The following LRRC7 variants were observed in gnomAD, a reference collection of about 807,000 sequenced individuals.
LRRC7 encodes the protein leucine-rich repeat-containing protein 7.
LRRC7 carries 23 observed loss-of-function variants against 175.7 expected under a neutral mutation model. The observed-to-expected ratio is 0.13, with a 90% CI of 0.09 to 0.19. The LOEUF (loss-of-function observed/expected upper bound fraction) is 0.19. LRRC7 is among the 10% of genes least tolerant of loss of function. LRRC7 has a pLI of 1.00. For synonymous variants in LRRC7, 685 were observed against 680.9 expected (o/e 1.01, Z -0.09); for missense variants, 1,354 against 1,904.7 (o/e 0.71, Z 5.38).
Position 70,057,910 on chromosome 1 carries a change from G to T in LRRC7, c.4230+4765G>T, listed in dbSNP as rs140462995. ...GTGCACCTGAGAGTGGCAAAGTGAT[G>T]GAAAAATGCCAAGAGTGTTAAATGC... On this transcript the variant is annotated intron_variant, in intron 23 of 26. Coordinates refer to ENST00000651989, the MANE Select transcript of LRRC7 (RefSeq NM_001370785.2). Among the ~76,000 whole-genome samples the T allele has an allele frequency of 3.7e-3, 565 of 151,690 alleles. 4 individuals carry two copies. The highest frequency in any genetic ancestry group is 0.013 in the African/African-American group (532 of 41,314).
intron 23 of LRRC7, among the ~76,000 whole-genome samples, chr1:70,054,440 A>G (rs1243342493): frequency 6.6e-6 from 1 of 152,156 alleles, no homozygotes; most frequent in Non-Finnish European, 1.5e-5. Context: ...ACCTATTGTT[A>G]TAAGTAAATG....
intron 5 of LRRC7, among the ~76,000 whole-genome samples, chr1:69,833,998 G>A (rs985603274): frequency 3.3e-5 from 5 of 152,056 alleles, no homozygotes; most frequent in Non-Finnish European, 7.4e-5. Flanking sequence ...GCATTAAAAT[G>A]TTTAAATAGA....
At chr1:69,821,302 G>T (rs61784018) in intron 4 of LRRC7, among the ~76,000 whole-genome samples, 14,961 of 151,940 alleles carry the variant, frequency 0.098, 795 homozygotes, top group African/African-American at 0.14. Flanking sequence ...ACTCTGACTG[G>T]ATAATCTTAA....
intron 26 of LRRC7, among the ~76,000 whole-genome samples, chr1:70,117,773 T>C (rs566482953): frequency 6.6e-6 from 1 of 152,260 alleles, no homozygotes; most frequent in South Asian, 2.1e-4. Flanking sequence ...TTATTTCTCA[T>C]TTTTCATTAG....
intron 9 of LRRC7, 99 bp downstream of exon 9, chr1:69,980,552 A>G: frequency 2.0e-6 from 2 of 984,042 alleles, no homozygotes; most frequent in Non-Finnish European, 3.1e-6. Flanking sequence ...TTTGTGTTTC[A>G]AAGTAAAATA....
intron 7 of LRRC7, among the ~76,000 whole-genome samples, chr1:69,918,222 A>T (rs1002993254): frequency 2.0e-5 from 3 of 152,158 alleles, no homozygotes; most frequent in Non-Finnish European, 4.4e-5. Context: ...CCCCTATGTC[A>T]AAGAATTAAC....
intron 2 of LRRC7, among the ~76,000 whole-genome samples, chr1:69,733,739 T>G (rs1667822096): frequency 6.6e-6 from 1 of 152,154 alleles, no homozygotes; most frequent in South Asian, 2.1e-4. Context: ...ATACTGCACC[T>G]GTTTTTGTGC....
chr1:69,616,947 C>T (rs1279737498), intron 1 of LRRC7, among the ~76,000 whole-genome samples: 4 of 152,108 alleles, frequency 2.6e-5, no homozygotes, highest in Admixed American at 6.6e-5. Context: ...ACTGTCAGAA[C>T]TTGTGCCTAA....
intron 7 of LRRC7, among the ~76,000 whole-genome samples, chr1:69,867,563 T>C (rs933278994): frequency 1.3e-5 from 2 of 151,452 alleles, no homozygotes; most frequent in African/African-American, 4.9e-5. Flanking sequence ...AATTGAGGAG[T>C]TTAAAGACAA....
chr1:69,901,581 A>G (rs1412512029), intron 7 of LRRC7, among the ~76,000 whole-genome samples: 1 of 152,198 alleles, frequency 6.6e-6, no homozygotes, highest in East Asian at 1.9e-4. Flanking sequence ...GACCTACTGT[A>G]GCCTGATAGG....
In LRRC7 at chr1:70,142,719, T is replaced by A. The variant is rs1558101704; in HGVS notation, c.*20832T>A. 1 of 151,974 alleles carries A rather than the reference T, an allele frequency of 6.6e-6. No homozygotes were observed. The highest frequency in any genetic ancestry group is 1.5e-5 in the Non-Finnish European group (1 of 67,974). The allele number at this position is 151,974 out of a possible 1,614,324, so 9.4% of individuals were successfully genotyped here. The stretch of plus-strand genomic sequence containing the variant: ...ATACAGTTTTATTTTTTCCACTTTA[T>A]AACTGCCCAAGGGCTCCCCCAACCA... On this transcript the variant is annotated 3_prime_UTR_variant, in exon 27 of 27. Transcript: ENST00000651989.
chr1:69,657,475 A>T (rs1656817821), intron 1 of LRRC7, among the ~76,000 whole-genome samples: 1 of 151,888 alleles, frequency 6.6e-6, no homozygotes, highest in African/African-American at 2.4e-5. Flanking sequence ...CGATTTGAAA[A>T]GTATAAGATT....
chr1:69,755,587 C>T (rs1232967700), intron 2 of LRRC7, among the ~76,000 whole-genome samples: 1 of 151,138 alleles, frequency 6.6e-6, no homozygotes, highest in Non-Finnish European at 1.5e-5. Flanking sequence ...GTACAAGTTG[C>T]AAAGCACATT....
intron 16 of LRRC7, 46 bp from the exon 17 acceptor site, chr1:70,023,080 C>A: frequency 7.2e-7 from 1 of 1,389,086 alleles, no homozygotes; most frequent in Non-Finnish European, 9.4e-7. Context: ...AGTATTGCTA[C>A]AGTGCTCCTC....
In LRRC7 at chr1:69,978,298, G is replaced by A. The variant is rs962427531; in HGVS notation, c.712-2081G>A. 4.6e-5 allele frequency among the ~76,000 whole-genome samples: 7 copies of A among 151,284 alleles called. No individual in the cohort carries two copies. The East Asian group carries it at 1.4e-3, about 30-fold the overall frequency. On this transcript the variant is annotated intron_variant, in intron 8 of 26. Transcript: ENST00000651989. ...ACTCCGTCGTCTGCGAGGAGAGGAG[G>A]GGAGGGAAGAGGAGGGGAGGGGAGG...
chr1:69,982,813 C>A (rs1477882258), intron 9 of LRRC7, among the ~76,000 whole-genome samples: 1 of 152,110 alleles, frequency 6.6e-6, no homozygotes, highest in African/African-American at 2.4e-5. Flanking sequence ...CCCTCTATGC[C>A]CAGAGAATGT....
intron 18 of LRRC7, among the ~76,000 whole-genome samples, chr1:70,035,660 A>G (rs554844724): frequency 5.4e-4 from 81 of 151,100 alleles, no homozygotes; most frequent in Non-Finnish European, 1.0e-3. Flanking sequence ...TTAATTGGTC[A>G]GTGATATACT....
intron 1 of LRRC7, among the ~76,000 whole-genome samples, chr1:69,609,233 CTA>C (rs1030497403): frequency 6.6e-6 from 1 of 151,832 alleles, no homozygotes; most frequent in Non-Finnish European, 1.5e-5. Flanking sequence ...TCATCAGAAA[CTA>C]TGATATACTC....
At chr1:69,638,350 A>G (rs1653710181) in intron 1 of LRRC7, among the ~76,000 whole-genome samples, 1 of 151,818 alleles carries the variant, frequency 6.6e-6, no homozygotes, top group African/African-American at 2.4e-5. Flanking sequence ...CTTCTGTTTG[A>G]TACGTCATGA....
Sources: gnomAD v4.1 joint callset for allele counts (sites outside exome capture counted in the v4.1 genomes callset) on GRCh38, gnomAD v4.1.1 for gene constraint, MANE v1.5 for transcripts, NCBI Gene and HGNC (gene_info 2026-07-23, HGNC 2026-07-21) for gene names.